The following WWOX variants were observed in gnomAD, a reference collection of about 807,000 sequenced individuals.
WWOX encodes the protein WW domain containing oxidoreductase, also known as WW domain-containing oxidoreductase.
In WWOX, 69 loss-of-function variants were observed where a neutral mutation model predicts 46.2. The observed-to-expected ratio is 1.49, with a 90% confidence interval of 1.23 to 1.82. The LOEUF (loss-of-function observed/expected upper bound fraction) is 1.82. Ranked by LOEUF, WWOX falls within the 40% of genes most tolerant of loss-of-function variation. WWOX has a pLI of 0.00. For missense variants in WWOX, 919 were observed against 542.6 expected (o/e 1.69, Z -6.89); for synonymous variants, 359 against 202.6 (o/e 1.77, Z -6.56).
At chr16:78,839,829 C>T (rs939881989) in intron 8 of WWOX, among the ~76,000 whole-genome samples, 1 of 152,166 alleles carries the variant, frequency 6.6e-6, no homozygotes, top group Non-Finnish European at 1.5e-5. Context: ...TCATCATCGT[C>T]TAGAGATATT....
chr16:78,388,633 G>A (rs2082109804), intron 6 of WWOX, among the ~76,000 whole-genome samples: 1 of 106,022 alleles, frequency 9.4e-6, no homozygotes, highest in African/African-American at 3.7e-5. Context: ...GCGACAGATT[G>A]AGACTCCGTC....
chr16:78,997,455 G>A (rs923031651), intron 8 of WWOX, among the ~76,000 whole-genome samples: 1 of 152,020 alleles, frequency 6.6e-6, no homozygotes. Context: ...ATCTGTATGG[G>A]CCTGACCTCC....
chr16:79,131,700 A>C lies in WWOX; in HGVS notation c.1057-79908A>C, dbSNP rs542385760. Among the ~76,000 whole-genome samples, 13 of 151,876 alleles carry C rather than the reference A, an allele frequency of 8.6e-5. No individual in the cohort carries two copies. The South Asian group carries it at 2.7e-3, about 31-fold the overall frequency. On this transcript the variant is annotated intron_variant, in intron 8 of 8. Transcript: ENST00000566780. Reference sequence around the variant, plus strand: ...CACAGGGTGTCTTAACTTTTCAAAAACAGGACATGGGTGATCAAGCAGCAG... The same window carrying C: ...CACAGGGTGTCTTAACTTTTCAAAACCAGGACATGGGTGATCAAGCAGCAG...
intron 8 of WWOX, among the ~76,000 whole-genome samples, chr16:79,157,580 G>A (rs1452838769): frequency 1.3e-5 from 2 of 152,156 alleles, no homozygotes; most frequent in Non-Finnish European, 2.9e-5. Context: ...TTTGGTGCAC[G>A]ATGAAACTGG....
At chr16:78,868,670 A>T (rs796934789) in intron 8 of WWOX, among the ~76,000 whole-genome samples, 1 of 152,184 alleles carries the variant, frequency 6.6e-6, no homozygotes, top group Non-Finnish European at 1.5e-5. Context: ...ACAGTTTAGC[A>T]AGAGTCACTC....
intron 5 of WWOX, among the ~76,000 whole-genome samples, chr16:78,365,003 G>A (rs553471496): frequency 3.3e-5 from 5 of 152,246 alleles, no homozygotes; most frequent in African/African-American, 9.6e-5. Context: ...TATTTTCTGT[G>A]TACTATGGGT....
At chr16:78,569,092 C>G (rs535169359) in intron 8 of WWOX, among the ~76,000 whole-genome samples, 29 of 152,254 alleles carry the variant, frequency 1.9e-4, no homozygotes, top group African/African-American at 6.5e-4. Context: ...CTGAGGAACA[C>G]TCAGGTTTGC....
intron 6 of WWOX, among the ~76,000 whole-genome samples, chr16:78,407,805 C>T (rs1284637330): frequency 6.6e-6 from 1 of 152,116 alleles, no homozygotes; most frequent in African/African-American, 2.4e-5. Flanking sequence ...ATCCAGATAC[C>T]TAAAAAAGTT....
At chr16:79,197,110 G>T (rs1229506479) in intron 8 of WWOX, among the ~76,000 whole-genome samples, 1 of 152,054 alleles carries the variant, frequency 6.6e-6, no homozygotes, top group Non-Finnish European at 1.5e-5. Flanking sequence ...CAACTTTTAG[G>T]TTATAGGGAC....
chr16:78,568,323 C>T (rs983113275), intron 8 of WWOX, among the ~76,000 whole-genome samples: 3 of 152,010 alleles, frequency 2.0e-5, no homozygotes, highest in Non-Finnish European at 4.4e-5. Flanking sequence ...CTCCAAAAGC[C>T]TGCATGCGGG....
At chr16:78,929,769 C>T (rs920064889) in intron 8 of WWOX, among the ~76,000 whole-genome samples, 2 of 152,024 alleles carry the variant, frequency 1.3e-5, no homozygotes, top group East Asian at 3.9e-4. Context: ...AGGGTCAGTC[C>T]AAGGTGACCA....
intron 8 of WWOX, among the ~76,000 whole-genome samples, chr16:78,885,245 C>T (rs914341142): frequency 1.3e-5 from 1 of 75,672 alleles, no homozygotes; most frequent in African/African-American, 3.7e-5. Context: ...AGAAGGAACA[C>T]TGAAAAAAAA....
At chr16:78,867,464 C>G (rs577160801) in intron 8 of WWOX, among the ~76,000 whole-genome samples, 3 of 151,290 alleles carry the variant, frequency 2.0e-5, no homozygotes, top group Non-Finnish European at 2.9e-5. Flanking sequence ...GAATCTGAGA[C>G]TCAGAGAAGT....
Position 78,681,621 on chromosome 16 carries a change from G to T in WWOX, c.1056+248869G>T, listed in dbSNP as rs1032491064. Among the ~76,000 whole-genome samples, 12 of 151,946 alleles carry T rather than the reference G, an allele frequency of 7.9e-5. 1 individual carries two copies. Among genetic ancestry groups the T allele is most frequent in the Admixed American group, 7.9e-4 (12 of 15,276 alleles). On this transcript the variant is annotated intron_variant, in intron 8 of 8. Coordinates refer to ENST00000566780, the MANE Select transcript of WWOX (RefSeq NM_016373.4). Reference sequence around the variant, plus strand: ...CTGCCCATTAGAATCTCTAGGGACAGACCGAGGTTTGAGAGTTCCTGCTCC... The same window carrying T: ...CTGCCCATTAGAATCTCTAGGGACATACCGAGGTTTGAGAGTTCCTGCTCC...
At chr16:78,982,533 A>T (rs1242930212) in intron 8 of WWOX, among the ~76,000 whole-genome samples, 1 of 152,218 alleles carries the variant, frequency 6.6e-6, no homozygotes, top group African/African-American at 2.4e-5. Flanking sequence ...TAACTGACAG[A>T]TTCCCACAGT....
At chr16:78,578,284 ATTT>A (rs1172203878) in intron 8 of WWOX, among the ~76,000 whole-genome samples, 1 of 20,840 alleles carries the variant, frequency 4.8e-5, no homozygotes, top group Non-Finnish European at 8.1e-5. Context: ...ATATATATAT[ATTT>A]TTTTTTTTTT....
chr16:78,467,104 A>G (rs879202155), intron 8 of WWOX, among the ~76,000 whole-genome samples: 10 of 152,170 alleles, frequency 6.6e-5, no homozygotes, highest in East Asian at 1.9e-4. Flanking sequence ...TGAAAAATCT[A>G]TGTGCATTAT....
chr16:78,788,173 G>A (rs78615551), intron 8 of WWOX, among the ~76,000 whole-genome samples: 7,286 of 152,160 alleles, frequency 0.048, 235 homozygotes, highest in Non-Finnish European at 0.074. Context: ...ATCTATTTTG[G>A]ATGTTGTTGC....
At chr16:78,420,476 G>A (rs1160254988) in intron 6 of WWOX, among the ~76,000 whole-genome samples, 1 of 152,068 alleles carries the variant, frequency 6.6e-6, no homozygotes, top group Non-Finnish European at 1.5e-5. Flanking sequence ...CAACATGGAT[G>A]AACCCTGCAA....
Sources: allele counts gnomAD v4.1 joint callset (sites outside exome capture counted in the v4.1 genomes callset), GRCh38; gene constraint gnomAD v4.1.1; transcripts MANE v1.5; gene names NCBI Gene and HGNC (gene_info 2026-07-23, HGNC 2026-07-21).